LRP1B: variants seen among roughly 807,000 people sequenced by gnomAD.
LRP1B encodes LDL receptor related protein 1B, also known as low-density lipoprotein receptor-related protein 1B.
Under a neutral mutation model 556.6 loss-of-function variants are expected in LRP1B, and 217 were observed. The observed-to-expected ratio is 0.39, with a 90% CI of 0.35 to 0.44. The LOEUF (loss-of-function observed/expected upper bound fraction) is 0.44, where lower values mean the gene tolerates loss of function less well. Among genes scored for constraint, LRP1B ranks in the 20% least tolerant of loss-of-function variants. LRP1B has a pLI of 1.00. For synonymous variants in LRP1B, 2,047 were observed against 1,865.8 expected, an observed-to-expected ratio of 1.10 and a Z score of -2.50; for missense variants, 5,053 against 5,620.8, an observed-to-expected ratio of 0.90 and a Z score of 3.23.
At chr2:141,868,598 G>C (rs1698487228) in intron 1 of LRP1B, among the ~76,000 whole-genome samples, 1 of 152,160 alleles carries the variant, frequency 6.6e-6, no homozygotes, top group Non-Finnish European at 1.5e-5. Context: ...ATAGTAGTTG[G>C]GGGAAAGTGC....
intron 1 of LRP1B, among the ~76,000 whole-genome samples, chr2:141,865,536 G>A (rs940519787): frequency 7.2e-6 from 1 of 139,644 alleles, no homozygotes; most frequent in East Asian, 2.1e-4. Context: ...AGCTTGCAGC[G>A]AGCCGAGATC....
At chr2:141,603,518 T>G (rs1041646057) in intron 2 of LRP1B, among the ~76,000 whole-genome samples, 2 of 152,154 alleles carry the variant, frequency 1.3e-5, no homozygotes, top group African/African-American at 4.8e-5. Context: ...TTTTTCTGTC[T>G]CAAAAAGTTA....
chr2:141,035,680 T>A (rs1185448421), intron 11 of LRP1B, among the ~76,000 whole-genome samples: 1 of 152,106 alleles, frequency 6.6e-6, no homozygotes, highest in African/African-American at 2.4e-5. Context: ...TTTTTTCTGA[T>A]AATATAACAC....
At chr2:140,952,718 C>T (rs1046941571) in intron 18 of LRP1B, among the ~76,000 whole-genome samples, 8 of 152,008 alleles carry the variant, frequency 5.3e-5, no homozygotes, top group African/African-American at 2.4e-5. Flanking sequence ...ACAACACTGT[C>T]ATAATAAAAT....
chr2:142,029,223 ATC>A (rs565808735), intron 1 of LRP1B, among the ~76,000 whole-genome samples: 59 of 152,030 alleles, frequency 3.9e-4, no homozygotes, highest in African/African-American at 1.4e-3. Flanking sequence ...ACCTAAAAAT[ATC>A]TCTCTATATG....
chr2:142,020,302 T>A (rs1703289522), intron 1 of LRP1B, among the ~76,000 whole-genome samples: 1 of 152,116 alleles, frequency 6.6e-6, no homozygotes, highest in Non-Finnish European at 1.5e-5. Flanking sequence ...GCCCAAAGCA[T>A]GCTTTGGAAT....
chr2:140,813,910 G>C, intron 31 of LRP1B, 104 bp from the exon 32 acceptor site: 1 of 804,164 alleles, frequency 1.2e-6, no homozygotes, highest in Non-Finnish European at 2.0e-6. Context: ...TGAAAGTTCA[G>C]ATTTTTGTCT....
chr2:140,910,657 A>C (rs1232073507), intron 21 of LRP1B, among the ~76,000 whole-genome samples: 1 of 151,906 alleles, frequency 6.6e-6, no homozygotes, highest in Admixed American at 6.6e-5. Flanking sequence ...CAAGTGCAAG[A>C]TTCATAAAGA....
chr2:141,989,104 C>T lies in LRP1B; in HGVS notation c.82+141544G>A, dbSNP rs552455029. Among the ~76,000 whole-genome samples the T allele has an allele frequency of 3.2e-4, 49 of 152,094 alleles. No individual in the cohort carries two copies. In the South Asian group the frequency reaches 7.7e-3, roughly 24 times the overall value. On this transcript the variant is annotated intron_variant, in intron 1 of 90. Transcript: ENST00000389484. Reference sequence around the variant, plus strand: ...TCTTGCATTCTCTTTTGTTTTTGAACGCCCTCTTGAACATTTTGTATATGG... The same window carrying T: ...TCTTGCATTCTCTTTTGTTTTTGAATGCCCTCTTGAACATTTTGTATATGG...
intron 21 of LRP1B, among the ~76,000 whole-genome samples, chr2:140,922,081 A>T (rs1461172323): frequency 6.6e-6 from 1 of 151,962 alleles, no homozygotes; most frequent in East Asian, 1.9e-4. Flanking sequence ...TATTGGGAGG[A>T]TGATACCAAC....
At chr2:140,410,555 A>G (rs1248683171) in intron 66 of LRP1B, among the ~76,000 whole-genome samples, 1 of 152,150 alleles carries the variant, frequency 6.6e-6, no homozygotes, top group Non-Finnish European at 1.5e-5. Flanking sequence ...AAGTCCAAAA[A>G]AACACTATGC....
rs559363240 is a variant in LRP1B, at chr2:142,029,942, C to G, written c.82+100706G>C. 4.0e-5 allele frequency among the ~76,000 whole-genome samples: 6 copies of G among 151,688 alleles called. 1 individual carries two copies. The East Asian group carries it at 1.2e-3, about 30-fold the overall frequency. ...TTGCAATAAATATCTCATCATTACT[C>G]AAACTTGCTGAACACTGACCTTAAC... On this transcript the variant is annotated intron_variant, in intron 1 of 90. Transcript: ENST00000389484.
At chr2:141,534,696 GC>G (rs1311982598) in intron 2 of LRP1B, among the ~76,000 whole-genome samples, 1 of 152,112 alleles carries the variant, frequency 6.6e-6, no homozygotes, top group East Asian at 1.9e-4. Flanking sequence ...GAGATAGGGA[GC>G]TTTTTACTGG....
intron 7 of LRP1B, among the ~76,000 whole-genome samples, chr2:141,180,951 C>T (rs1680963718): frequency 6.6e-6 from 1 of 151,894 alleles, no homozygotes; most frequent in Admixed American, 6.6e-5. Context: ...AAAGGACTGC[C>T]ATGGGACAGT....
intron 35 of LRP1B, among the ~76,000 whole-genome samples, chr2:140,721,460 C>T (rs1056898840): frequency 1.3e-5 from 2 of 150,794 alleles, no homozygotes; most frequent in Admixed American, 6.6e-5. Flanking sequence ...TTGTGATATC[C>T]ACAAATTTGA....
chr2:140,476,416 T>G (rs1465000007), intron 59 of LRP1B, among the ~76,000 whole-genome samples: 1 of 152,044 alleles, frequency 6.6e-6, no homozygotes, highest in African/African-American at 2.4e-5. Flanking sequence ...ATATTTTAGA[T>G]GATTGTAAAA....
intron 1 of LRP1B, among the ~76,000 whole-genome samples, chr2:142,017,969 T>TG (rs33923457): frequency 3.3e-5 from 5 of 151,248 alleles, no homozygotes; most frequent in Non-Finnish European, 7.4e-5. Context: ...TTTTTTTTTT[T>TG]GGTGTTTCCA....
In LRP1B at chr2:140,314,638, T is replaced by C. The variant is rs554508337; in HGVS notation, c.12805+297A>G. On this transcript the variant is annotated intron_variant, in intron 83 of 90. Coordinates refer to ENST00000389484, the MANE Select transcript of LRP1B (RefSeq NM_018557.3). ...AAAACATAAACTTTGGGGTCAAACA[T>C]AGTAAGCTTGGAAAATTGGCTCTAC... Among the ~76,000 whole-genome samples the C allele has an allele frequency of 2.6e-5, 4 of 152,190 alleles. No individual in the cohort carries two copies. In the East Asian group the frequency reaches 7.7e-4, roughly 29 times the overall value.
At chr2:141,028,562 A>G (rs1271632008) in intron 11 of LRP1B, among the ~76,000 whole-genome samples, 1 of 152,080 alleles carries the variant, frequency 6.6e-6, no homozygotes, top group South Asian at 2.1e-4. Context: ...CTGAAAAATC[A>G]TCCAAGGATG....
Sources: allele counts gnomAD v4.1 joint callset (sites outside exome capture counted in the v4.1 genomes callset), GRCh38; gene constraint gnomAD v4.1.1; transcripts MANE v1.5; gene names NCBI Gene and HGNC (gene_info 2026-07-23, HGNC 2026-07-21).